NRXN1: variants seen among roughly 807,000 people sequenced by gnomAD.
The protein encoded by NRXN1 is neurexin 1.
Under a neutral mutation model 150.9 loss-of-function variants are expected in NRXN1, and 39 were observed. The ratio of observed to expected loss-of-function variants is 0.26; its 90% confidence interval spans 0.20 to 0.34. The LOEUF (loss-of-function observed/expected upper bound fraction) is 0.34, where lower values mean the gene tolerates loss of function less well. Ranked by LOEUF, NRXN1 falls within the 10% of genes least tolerant of loss-of-function variation. The probability of loss-of-function intolerance (pLI) is 1.00; values close to 1 mark genes in which losing one functional copy is unlikely to be tolerated. For synonymous variants in NRXN1, 924 were observed against 757.0 expected (o/e 1.22, Z -3.62); for missense variants, 1,815 against 1,949.9 (o/e 0.93, Z 1.30).
intron 18 of NRXN1, among the ~76,000 whole-genome samples, chr2:50,122,017 T>C (rs997882093): frequency 3.3e-5 from 5 of 152,228 alleles, no homozygotes; most frequent in Non-Finnish European, 7.3e-5. Context: ...GAAAGTAGTA[T>C]AGTTACTGCG....
intron 17 of NRXN1, among the ~76,000 whole-genome samples, chr2:50,443,634 C>T (rs1292158521): frequency 6.6e-6 from 1 of 152,146 alleles, no homozygotes; most frequent in African/African-American, 2.4e-5. Flanking sequence ...TGAACCTCAG[C>T]TTTTATTTTA....
intron 2 of NRXN1, among the ~76,000 whole-genome samples, chr2:50,975,972 G>C (rs1213591197): frequency 6.6e-6 from 1 of 152,030 alleles, no homozygotes; most frequent in Non-Finnish European, 1.5e-5. Context: ...TAGGGACACT[G>C]TGGCACAATT....
chr2:50,125,403 C>T (rs1390226525), intron 18 of NRXN1, among the ~76,000 whole-genome samples: 1 of 151,962 alleles, frequency 6.6e-6, no homozygotes, highest in Non-Finnish European at 1.5e-5. Context: ...CTCTTATGTG[C>T]CTTTAAGCAT....
chr2:50,555,528 C>T (rs62142291), intron 8 of NRXN1, among the ~76,000 whole-genome samples: 33,765 of 152,014 alleles, frequency 0.22, 3,883 homozygotes, highest in East Asian at 0.43. Context: ...AAAGTATCTC[C>T]ACCAGAATCA....
intron 2 of NRXN1, among the ~76,000 whole-genome samples, chr2:50,977,564 C>G (rs1558522963): frequency 6.6e-6 from 1 of 151,892 alleles, no homozygotes; most frequent in Non-Finnish European, 1.5e-5. Flanking sequence ...CAGAAAGTTA[C>G]TGCAGAATAA....
At chr2:50,254,312 T>A (rs115989691) in intron 17 of NRXN1, among the ~76,000 whole-genome samples, 2,053 of 151,470 alleles carry the variant, frequency 0.014, 84 homozygotes, top group African/African-American at 0.047. Context: ...TCTTTTTTTT[T>A]ATTAGTCTAG....
intron 18 of NRXN1, among the ~76,000 whole-genome samples, chr2:50,107,445 C>A (rs981827690): frequency 6.7e-6 from 1 of 149,794 alleles, no homozygotes. Context: ...AAAATTATTA[C>A]TATTCTTCCA....
chr2:50,673,341 C>G (rs1467849900), intron 5 of NRXN1, among the ~76,000 whole-genome samples: 1 of 151,968 alleles, frequency 6.6e-6, no homozygotes, highest in Admixed American at 6.6e-5. Flanking sequence ...TGCTTATTTG[C>G]TAAATTATAT....
At chr2:50,230,674 G>A (rs1434259470) in intron 18 of NRXN1, among the ~76,000 whole-genome samples, 1 of 151,942 alleles carries the variant, frequency 6.6e-6, no homozygotes, top group African/African-American at 2.4e-5. Context: ...AATTTCAGAT[G>A]AGGAAATAAC....
At chr2:51,004,611 C>T (rs542187310) in intron 2 of NRXN1, among the ~76,000 whole-genome samples, 1 of 151,874 alleles carries the variant, frequency 6.6e-6, no homozygotes, top group Admixed American at 6.6e-5. Flanking sequence ...TCACTACAGT[C>T]CTGCCTGGAC....
intron 2 of NRXN1, among the ~76,000 whole-genome samples, chr2:51,014,771 G>A (rs1000298204): frequency 6.6e-6 from 1 of 151,914 alleles, no homozygotes; most frequent in East Asian, 1.9e-4. Flanking sequence ...CCTATCAAAT[G>A]AGAAAAAAGT....
At chr2:50,431,688 C>G (rs1288791483) in intron 17 of NRXN1, among the ~76,000 whole-genome samples, 1 of 152,116 alleles carries the variant, frequency 6.6e-6, no homozygotes, top group African/African-American at 2.4e-5. Context: ...TACTCTTTTA[C>G]CTATTGTCCA....
At chr2:50,133,922 C>T (rs1705962844) in intron 18 of NRXN1, among the ~76,000 whole-genome samples, 2 of 152,170 alleles carry the variant, frequency 1.3e-5, no homozygotes, top group African/African-American at 4.8e-5. Flanking sequence ...TGAAGCAGAA[C>T]ACCTAATAAA....
chr2:50,054,149 G>T (rs1479810941), intron 20 of NRXN1, among the ~76,000 whole-genome samples: 3 of 151,664 alleles, frequency 2.0e-5, no homozygotes, highest in East Asian at 1.9e-4. Context: ...ACACTGAAAA[G>T]AAATTCATGG....
chr2:50,250,713 G>C (rs531853249), intron 17 of NRXN1, among the ~76,000 whole-genome samples: 1 of 151,850 alleles, frequency 6.6e-6, no homozygotes, highest in African/African-American at 2.4e-5. Context: ...CACTTAGTAA[G>C]TGTCTTGGTG....
intron 5 of NRXN1, among the ~76,000 whole-genome samples, chr2:50,781,842 G>A (rs1277844459): frequency 1.3e-5 from 2 of 152,152 alleles, no homozygotes; most frequent in East Asian, 3.9e-4. Context: ...TGCTGGTTGA[G>A]TTATTCAGCA....
chr2:51,019,215 G>A (rs1380459996), intron 2 of NRXN1, among the ~76,000 whole-genome samples: 1 of 152,018 alleles, frequency 6.6e-6, no homozygotes, highest in Non-Finnish European at 1.5e-5. Context: ...CCAAATCCCA[G>A]CTCTGCCATT....
At chr2:50,053,214 G>C in intron 21 of NRXN1, 57 bp downstream of exon 21, 4 of 1,564,990 alleles carry the variant, frequency 2.6e-6, no homozygotes, top group Middle Eastern at 1.7e-4. Flanking sequence ...ATGCAGAAAA[G>C]CCCACTATCA....
chr2:50,799,326 T>G (rs866755643), intron 5 of NRXN1, among the ~76,000 whole-genome samples: 2 of 152,198 alleles, frequency 1.3e-5, no homozygotes, highest in African/African-American at 4.8e-5. Context: ...GGACAACAAT[T>G]TAATTCCTAT....
Sources: allele counts gnomAD v4.1 joint callset (sites outside exome capture counted in the v4.1 genomes callset), GRCh38; gene constraint gnomAD v4.1.1; transcripts MANE v1.5; gene names NCBI Gene and HGNC (gene_info 2026-07-23, HGNC 2026-07-21).